The following SHISA9 variants were observed in gnomAD, a reference collection of about 807,000 sequenced individuals.
SHISA9 encodes the protein protein shisa-9.
SHISA9 carries 13 observed loss-of-function variants against 38.0 expected under a neutral mutation model. The ratio of observed to expected loss-of-function variants is 0.34; its 90% confidence interval spans 0.22 to 0.54. SHISA9 has a LOEUF of 0.54. SHISA9 is among the 20% of genes least tolerant of loss of function. The pLI is 0.91. For missense variants in SHISA9, 538 were observed against 575.8 expected, an observed-to-expected ratio of 0.93 and a Z score of 0.67; for synonymous variants, 275 against 242.0, an observed-to-expected ratio of 1.14 and a Z score of -1.27.
At chr16:12,985,176 G>T (rs1302139004) in intron 2 of SHISA9, among the ~76,000 whole-genome samples, 1 of 149,346 alleles carries the variant, frequency 6.7e-6, no homozygotes, top group Non-Finnish European at 1.5e-5. Flanking sequence ...ATCTATCAAA[G>T]CATTATGTTG....
chr16:13,184,845 G>A (rs965798902), intron 2 of SHISA9, among the ~76,000 whole-genome samples: 53 of 152,140 alleles, frequency 3.5e-4, no homozygotes, highest in African/African-American at 1.3e-3. Context: ...CACCATTGAA[G>A]GATATTTGTA....
intron 2 of SHISA9, among the ~76,000 whole-genome samples, chr16:13,133,709 G>A (rs1049000482): frequency 5.3e-5 from 8 of 152,242 alleles, no homozygotes; most frequent in Admixed American, 4.6e-4. Context: ...TATAGGCTTT[G>A]CTTTAATTGA....
chr16:13,558,491 C>T, the SHISA9 span, among the ~76,000 whole-genome samples: 1 of 152,204 alleles, frequency 6.6e-6, no homozygotes, highest in African/African-American at 2.4e-5. Flanking sequence ...CTGACCACAA[C>T]ATTTTTATCA....
the SHISA9 span, among the ~76,000 whole-genome samples, chr16:13,310,354 A>C: frequency 6.6e-6 from 1 of 152,156 alleles, no homozygotes; most frequent in Non-Finnish European, 1.5e-5. Flanking sequence ...TTTAAAGAAC[A>C]GTTTAGTGAA....
At chr16:13,520,238 G>A in the SHISA9 span, among the ~76,000 whole-genome samples, 1 of 152,188 alleles carries the variant, frequency 6.6e-6, no homozygotes, top group East Asian at 1.9e-4. Context: ...CTTGGTCAGT[G>A]AGCGCACAGA....
the SHISA9 span, among the ~76,000 whole-genome samples, chr16:13,388,042 C>T: frequency 7.2e-5 from 11 of 152,090 alleles, no homozygotes; most frequent in Non-Finnish European, 1.3e-4. Context: ...TTTCCATGCT[C>T]ATGGGGAGGT....
chr16:12,952,694 T>C (rs1279630641), intron 2 of SHISA9, among the ~76,000 whole-genome samples: 1 of 152,212 alleles, frequency 6.6e-6, no homozygotes, highest in Non-Finnish European at 1.5e-5. Flanking sequence ...TCCTTCACTC[T>C]TTCTCCCTTC....
At chr16:13,269,311 C>T in the SHISA9 span, among the ~76,000 whole-genome samples, 1 of 152,240 alleles carries the variant, frequency 6.6e-6, no homozygotes, top group Non-Finnish European at 1.5e-5. Context: ...GGAAATGCTA[C>T]TCAACCTCTC....
rs1241032701 is a variant in SHISA9, at chr16:13,049,153, AGTATGTGTGTGTGTGTGT to A, written c.691+132341_691+132358del. 1.2e-4 allele frequency among the ~76,000 whole-genome samples: 16 copies of A among 138,534 alleles called. No homozygotes were observed. In the South Asian group the frequency reaches 1.7e-3, roughly 15 times the overall value. The allele number at this position is 138,534 out of a possible 152,430, so 90.9% of individuals were successfully genotyped here. On this transcript the variant is annotated intron_variant, in intron 2 of 4. Transcript: ENST00000558583. ...GCTGCCATTCTAAGCTTTGGTTAGG[AGTATGTGTGTGTGTGTGT>A]GTGTGTGTGTGTGTGTGTGTGTGTG...
the SHISA9 span, among the ~76,000 whole-genome samples, chr16:13,414,646 C>CGTTT: frequency 1.5e-5 from 2 of 136,612 alleles, no homozygotes; most frequent in South Asian, 4.6e-4. Flanking sequence ...TTCTTTCTTT[C>CGTTT]TTTCTTTTTT....
chr16:13,509,481 C>T, the SHISA9 span, among the ~76,000 whole-genome samples: 1 of 152,090 alleles, frequency 6.6e-6, no homozygotes, highest in Non-Finnish European at 1.5e-5. Flanking sequence ...ACAGTGCCTG[C>T]CTCACATAAT....
At chr16:13,444,108 C>T in the SHISA9 span, among the ~76,000 whole-genome samples, 2 of 152,174 alleles carry the variant, frequency 1.3e-5, no homozygotes, top group African/African-American at 2.4e-5. Context: ...ATATGGCTCA[C>T]GCCTGTCATC....
At chr16:13,441,488 A>T in the SHISA9 span, among the ~76,000 whole-genome samples, 1 of 152,182 alleles carries the variant, frequency 6.6e-6, no homozygotes, top group Non-Finnish European at 1.5e-5. Context: ...TCTATGAGGA[A>T]CATCTAAATC....
the SHISA9 span, among the ~76,000 whole-genome samples, chr16:13,409,032 A>C: frequency 6.6e-6 from 1 of 152,132 alleles, no homozygotes; most frequent in South Asian, 2.1e-4. Context: ...TAAACCCTGA[A>C]CCCCAGGCTC....
intron 2 of SHISA9, among the ~76,000 whole-genome samples, chr16:13,090,455 C>G (rs1286113638): frequency 2.0e-5 from 3 of 152,166 alleles, no homozygotes; most frequent in Non-Finnish European, 4.4e-5. Flanking sequence ...TTGTAGGTCT[C>G]TAAGGACTTG....
the SHISA9 span, among the ~76,000 whole-genome samples, chr16:13,508,095 T>C: frequency 1.3e-5 from 2 of 152,186 alleles, no homozygotes; most frequent in African/African-American, 4.8e-5. Flanking sequence ...CTATCTCTCA[T>C]CTAAATTCTC....
chr16:12,979,996 T>A (rs1195289711), intron 2 of SHISA9, among the ~76,000 whole-genome samples: 1 of 152,202 alleles, frequency 6.6e-6, no homozygotes, highest in African/African-American at 2.4e-5. Context: ...AGGTTGTGAA[T>A]GGGGTTTAAG....
At chr16:13,398,058 G>A in the SHISA9 span, among the ~76,000 whole-genome samples, 2 of 152,166 alleles carry the variant, frequency 1.3e-5, no homozygotes, top group Non-Finnish European at 1.5e-5. Context: ...ATGACCTGCT[G>A]TGGCATCTGT....
chr16:13,302,728 C>T, the SHISA9 span, among the ~76,000 whole-genome samples: 2 of 152,166 alleles, frequency 1.3e-5, no homozygotes, highest in Non-Finnish European at 2.9e-5. Context: ...ACGACTGATA[C>T]AGTTTGACTC....
Sources: allele counts gnomAD v4.1 joint callset (sites outside exome capture counted in the v4.1 genomes callset), GRCh38; gene constraint gnomAD v4.1.1; transcripts MANE v1.5; gene names NCBI Gene and HGNC (gene_info 2026-07-23, HGNC 2026-07-21).